TRAPPC8: variants seen among roughly 807,000 people sequenced by gnomAD.
The protein encoded by TRAPPC8 is trafficking protein particle complex subunit 8, also known as general sporulation gene 1 homolog.
TRAPPC8 carries 54 observed loss-of-function variants against 174.3 expected under a neutral mutation model. The observed-to-expected ratio is 0.31, with a 90% CI of 0.25 to 0.39. TRAPPC8 has a LOEUF of 0.39. TRAPPC8 is among the 10% of genes least tolerant of loss of function. The pLI is 1.00. For synonymous variants in TRAPPC8, 630 were observed against 579.9 expected (o/e 1.09, Z -1.24); for missense variants, 1,531 against 1,699.1 (o/e 0.90, Z 1.74).
chr18:31,841,375 A>T (rs1197502090), intron 26 of TRAPPC8, among the ~76,000 whole-genome samples: 3 of 152,144 alleles, frequency 2.0e-5, no homozygotes, highest in Non-Finnish European at 2.9e-5. Context: ...TAAAAATTTT[A>T]AAAAATCAGA....
chr18:31,932,221 T>C (rs1420218236), intron 1 of TRAPPC8, among the ~76,000 whole-genome samples: 2 of 151,818 alleles, frequency 1.3e-5, no homozygotes, highest in Non-Finnish European at 2.9e-5. Context: ...AAGTCAGGAG[T>C]TGGAGACAAG....
At chr18:31,886,169 C>T (rs1442438235) in intron 12 of TRAPPC8, among the ~76,000 whole-genome samples, 26 of 151,524 alleles carry the variant, frequency 1.7e-4, no homozygotes, top group Admixed American at 1.7e-3. Flanking sequence ...CCATGCCTGG[C>T]TAATTTTTTT....
chr18:31,938,040 AAAT>A (rs1237703451), intron 1 of TRAPPC8, among the ~76,000 whole-genome samples: 5 of 152,176 alleles, frequency 3.3e-5, no homozygotes, highest in Non-Finnish European at 7.4e-5. Flanking sequence ...TTTCAAAATA[AAAT>A]AATATATAAC....
chr18:31,893,368 T>C (rs897573627), intron 11 of TRAPPC8, among the ~76,000 whole-genome samples: 6 of 148,982 alleles, frequency 4.0e-5, no homozygotes, highest in Non-Finnish European at 8.9e-5. Context: ...GCTCTCCTAG[T>C]ATTTGCTTCT....
At position 31,913,363 on chromosome 18, in the gene TRAPPC8, A is replaced by G. The variant is rs1386861704; in HGVS notation, c.771+6T>C. ...GTGGTTTGCTTCATTTATTTTTTAC[A>G]TATACCTGGTTTTGAATACTATTTT... On this transcript the variant is annotated splice_donor_region_variant and intron_variant, in intron 5 of 28. Coordinates refer to ENST00000283351, the MANE Select transcript of TRAPPC8 (RefSeq NM_014939.5). The G allele has an allele frequency of 4.0e-5, 62 of 1,565,238 alleles. No individual in the cohort carries two copies. Among genetic ancestry groups the G allele is most frequent in the Non-Finnish European group, 5.2e-5 (60 of 1,163,302 alleles).
Position 31,853,913 on chromosome 18 carries a change from C to G in TRAPPC8, c.3369G>C (p.Val1123=). 1.2e-6 allele frequency: 2 copies of G among 1,611,054 alleles called. No homozygotes were observed. Among genetic ancestry groups the G allele is most frequent in the Non-Finnish European group, 1.7e-6 (2 of 1,179,432 alleles). The part of the protein sequence containing the change: ...SEAGVKEFHI[V]QVSSSSKHWK... ...AGTGTTTGCTACTACTTGATACTTG[C>G]ACTATGTGGAATTCCTTAACGCCTG... Residue 1123 remains valine (V), a synonymous_variant, in exon 22 of 29, where the codon GTG becomes GTC. Coordinates refer to ENST00000283351, the MANE Select transcript of TRAPPC8 (RefSeq NM_014939.5).
At chr18:31,880,080 T>TGA (rs2035344894) in intron 12 of TRAPPC8, among the ~76,000 whole-genome samples, 1 of 44,372 alleles carries the variant, frequency 2.3e-5, no homozygotes, top group Non-Finnish European at 4.0e-5. Flanking sequence ...CTGAAACTAT[T>TGA]GAAAAAAAAA....
At chr18:31,890,958 T>C (rs1459985709) in intron 11 of TRAPPC8, 92 bp from the exon 12 acceptor site, 4 of 1,210,574 alleles carry the variant, frequency 3.3e-6, no homozygotes, top group South Asian at 1.7e-5. Flanking sequence ...TCTTAATATA[T>C]AGCATATCCA....
chr18:31,833,689 G>A (rs556788337), intron 27 of TRAPPC8, among the ~76,000 whole-genome samples: 63 of 152,208 alleles, frequency 4.1e-4, no homozygotes, highest in African/African-American at 1.3e-3. Flanking sequence ...TGATTCCATA[G>A]GTCTGGAGTG....
chr18:31,887,768 C>G (rs1045030965), intron 12 of TRAPPC8, among the ~76,000 whole-genome samples: 1 of 149,710 alleles, frequency 6.7e-6, no homozygotes, highest in East Asian at 1.9e-4. Flanking sequence ...GATGCCCTCT[C>G]TCATCACTGC....
intron 12 of TRAPPC8, among the ~76,000 whole-genome samples, chr18:31,876,508 A>AAAAAG (rs2035160217): frequency 6.7e-6 from 1 of 149,814 alleles, no homozygotes; most frequent in African/African-American, 2.5e-5. Flanking sequence ...AAAAAAAAAA[A>AAAAAG]AAAAGATCAC....
intron 4 of TRAPPC8, 42 bp downstream of exon 4, chr18:31,916,230 T>G: frequency 7.3e-7 from 1 of 1,379,234 alleles, no homozygotes; most frequent in Non-Finnish European, 9.6e-7. Context: ...TAATGTTAAA[T>G]CATTTAACTG....
In TRAPPC8 at chr18:31,849,658, G is replaced by T; in HGVS notation, c.3643C>A (p.Pro1215Thr). 6.2e-7 allele frequency: 1 copy of T among 1,612,792 alleles called. No individual in the cohort carries two copies. Among genetic ancestry groups the T allele is most frequent in the Non-Finnish European group, 8.5e-7 (1 of 1,179,392 alleles). Residue 1215 changes from proline to threonine, a missense_variant, in exon 25 of 29, where the codon CCT becomes ACT. Pro to Thr is a conservative substitution (Grantham distance 38). Transcript: ENST00000283351. ...GTTGACTGTTTTTCTGTATGCACAGGCAAGTGAGCTTGTGGTTTTTTCAAT... is the reference window on the plus strand; with the variant it reads ...GTTGACTGTTTTTCTGTATGCACAGTCAAGTGAGCTTGTGGTTTTTTCAAT... ...SELKKPQAHLPVHTEKQSTED... is the reference protein window; with the variant it reads ...SELKKPQAHLTVHTEKQSTED...
chr18:31,832,227 AT>A, intron 27 of TRAPPC8, 54 bp from the exon 28 acceptor site: 1 of 1,118,002 alleles, frequency 8.9e-7, no homozygotes, highest in South Asian at 2.1e-5. Context: ...CTTAAAAGCA[AT>A]TTTCCTGAAA....
chr18:31,905,947 G>A (rs1462104709), intron 9 of TRAPPC8, among the ~76,000 whole-genome samples: 2 of 152,106 alleles, frequency 1.3e-5, no homozygotes, highest in Non-Finnish European at 2.9e-5. Context: ...TGAAGTATTT[G>A]TGATTTCATA....
chr18:31,833,822 T>G (rs2032526421), intron 27 of TRAPPC8, among the ~76,000 whole-genome samples: 1 of 151,644 alleles, frequency 6.6e-6, no homozygotes, highest in Non-Finnish European at 1.5e-5. Context: ...GCTAACATGG[T>G]GAAACCCCGT....
intron 5 of TRAPPC8, among the ~76,000 whole-genome samples, chr18:31,912,261 C>T (rs190960312): frequency 1.1e-3 from 162 of 152,168 alleles, no homozygotes; most frequent in African/African-American, 3.7e-3. Flanking sequence ...GAGTCTGAGG[C>T]GGACAGATCA....
At chr18:31,840,186 C>G (rs1244228844) in intron 26 of TRAPPC8, among the ~76,000 whole-genome samples, 2 of 152,048 alleles carry the variant, frequency 1.3e-5, no homozygotes, top group Non-Finnish European at 2.9e-5. Context: ...TGGTGAAATG[C>G]CATCTACTAA....
chr18:31,895,522 G>C (rs918682333), intron 11 of TRAPPC8, among the ~76,000 whole-genome samples: 15 of 152,094 alleles, frequency 9.9e-5, no homozygotes, highest in African/African-American at 3.6e-4. Flanking sequence ...TGGAAACAAA[G>C]AGTTGGAAAG....
Sources: gnomAD v4.1 joint callset for allele counts (sites outside exome capture counted in the v4.1 genomes callset) on GRCh38, gnomAD v4.1.1 for gene constraint, MANE v1.5 for transcripts, NCBI Gene and HGNC (gene_info 2026-07-23, HGNC 2026-07-21) for gene names.